SLCO3A1: variants seen among roughly 807,000 people sequenced by gnomAD.
The protein encoded by SLCO3A1 is PGE1 transporter.
Under a neutral mutation model 63.1 loss-of-function variants are expected in SLCO3A1, and 27 were observed. The ratio of observed to expected loss-of-function variants is 0.43; its 90% CI spans 0.32 to 0.59. The LOEUF (loss-of-function observed/expected upper bound fraction) is 0.59. SLCO3A1 is among the 20% of genes least tolerant of loss of function. The pLI, the probability that SLCO3A1 is intolerant of heterozygous loss-of-function variation, is 0.09. For missense variants in SLCO3A1, 773 were observed against 945.8 expected, an observed-to-expected ratio of 0.82 and a Z score of 2.40; for synonymous variants, 473 against 409.9, an observed-to-expected ratio of 1.15 and a Z score of -1.86.
At position 92,134,146 on chromosome 15, in the gene SLCO3A1, C is replaced by T. The variant is rs59893612; in HGVS notation, c.1512+5657C>T. On this transcript the variant is annotated intron_variant, in intron 7 of 9. Coordinates refer to ENST00000318445, the MANE Select transcript of SLCO3A1 (RefSeq NM_013272.4). ...CTGTCTACTTAGACACAGCCCCCACCACTGGCCATCCCTTACACCTGAGCC... is the reference window on the plus strand; with the variant it reads ...CTGTCTACTTAGACACAGCCCCCACTACTGGCCATCCCTTACACCTGAGCC... 0.022 allele frequency among the ~76,000 whole-genome samples: 3,364 copies of T among 152,332 alleles called. 333 individuals are homozygous for T. In the East Asian group the frequency reaches 0.3, roughly 14 times the overall value.
chr15:91,932,059 C>T (rs895068652), intron 2 of SLCO3A1, among the ~76,000 whole-genome samples: 2 of 152,014 alleles, frequency 1.3e-5, no homozygotes, highest in Admixed American at 6.6e-5. Flanking sequence ...GAGTGCATAT[C>T]GTATGCAAGG....
chr15:91,918,862 CG>C (rs1898747655), intron 2 of SLCO3A1, among the ~76,000 whole-genome samples: 1 of 152,178 alleles, frequency 6.6e-6, no homozygotes, highest in Admixed American at 6.5e-5. Context: ...GTATATCCAT[CG>C]GGGAGGAATA....
intron 2 of SLCO3A1, among the ~76,000 whole-genome samples, chr15:91,956,952 T>G (rs1157596133): frequency 1.8e-5 from 1 of 55,388 alleles, no homozygotes; most frequent in Non-Finnish European, 3.5e-5. Flanking sequence ...CATGCCTGGC[T>G]AATTTATTTA....
At chr15:91,990,097 G>A (rs565008507) in intron 2 of SLCO3A1, among the ~76,000 whole-genome samples, 1 of 152,288 alleles carries the variant, frequency 6.6e-6, no homozygotes, top group South Asian at 2.1e-4. Context: ...ATGATGGCGG[G>A]AGGGCGGAAG....
chr15:91,898,744 C>CT (rs1361382646), intron 1 of SLCO3A1, among the ~76,000 whole-genome samples: 2 of 152,070 alleles, frequency 1.3e-5, no homozygotes, highest in East Asian at 3.9e-4. Flanking sequence ...AAAACTTACT[C>CT]TTTTTATGTA....
At chr15:92,159,599 T>C (rs1273833814) in intron 9 of SLCO3A1, among the ~76,000 whole-genome samples, 2 of 141,534 alleles carry the variant, frequency 1.4e-5, no homozygotes, top group African/African-American at 5.4e-5. Context: ...TAGGATCCCA[T>C]TCTGTCTCCT....
At chr15:92,072,229 A>T (rs1323631711) in intron 2 of SLCO3A1, among the ~76,000 whole-genome samples, 8 of 150,784 alleles carry the variant, frequency 5.3e-5, no homozygotes, top group Non-Finnish European at 8.8e-5. Context: ...TCACTGGCTA[A>T]TGCATTGTGT....
chr15:91,916,422 G>T lies in SLCO3A1; in HGVS notation c.610G>T (p.Asp204Tyr). ...VQPLGVSYID[D>Y]HVRRKDSSLY... ...GCCCCTGGGCGTCTCCTACATCGACGACCACGTGCGGAGGAAGGACTCCTC... is the reference window on the plus strand; with the variant it reads ...GCCCCTGGGCGTCTCCTACATCGACTACCACGTGCGGAGGAAGGACTCCTC... The change falls in exon 2 of 10, where the codon GAC (aspartate) becomes TAC (tyrosine). Residue 204 changes from aspartate (D) to tyrosine (Y), a missense_variant. Around this residue, in one of 3 missense-constraint regions of SLCO3A1, gnomAD observed 565 missense variants for 749.8 expected, o/e 0.75. Coordinates refer to ENST00000318445, the MANE Select transcript of SLCO3A1 (RefSeq NM_013272.4). This position sits in a 1 kb window ranked among gnomAD's most constrained non-coding sequence, Gnocchi z 6.2. 6.2e-7 allele frequency: 1 copy of T among 1,612,414 alleles called. No homozygotes were observed. The highest frequency in any genetic ancestry group is 1.1e-5 in the South Asian group (1 of 90,666).
intron 1 of SLCO3A1, among the ~76,000 whole-genome samples, chr15:91,914,699 G>A (rs1360314278): frequency 6.6e-6 from 1 of 151,478 alleles, no homozygotes; most frequent in Non-Finnish European, 1.5e-5. Flanking sequence ...CCTTCCCTGA[G>A]TAGCTGGGAT....
chr15:91,945,045 A>T (rs1316068981), intron 2 of SLCO3A1, among the ~76,000 whole-genome samples: 1 of 152,134 alleles, frequency 6.6e-6, no homozygotes, highest in Non-Finnish European at 1.5e-5. Flanking sequence ...CACCCAACAG[A>T]TATTTATTAA....
At chr15:92,087,511 C>CTTTT (rs1393268848) in intron 2 of SLCO3A1, among the ~76,000 whole-genome samples, 1 of 144,308 alleles carries the variant, frequency 6.9e-6, no homozygotes, top group African/African-American at 2.7e-5. Context: ...CTTTTATTAT[C>CTTTT]TATTATTTTT....
Position 92,161,733 on chromosome 15 carries a change from CCGGCGCTTTG to C in SLCO3A1, c.1754-1021_1754-1012del, listed in dbSNP as rs1408772588. On this transcript the variant is annotated intron_variant, in intron 9 of 9. Transcript: ENST00000318445. ...ACAGAAGAACACCACACACAGTATG[CCGGCGCTTTG>C]CAGTTTCCTCTGTAGAACACCACAC... 12 of 151,036 alleles carry C rather than the reference CCGGCGCTTTG, an allele frequency of 7.9e-5. No individual in the cohort carries two copies. The East Asian group carries it at 2.3e-3, about 29-fold the overall frequency. The allele number at this position is 151,036 out of a possible 1,614,324, so 9.4% of individuals were successfully genotyped here.
In SLCO3A1 at chr15:91,883,264, C is replaced by T. The variant is rs891337172; in HGVS notation, c.180+29176C>T. Among the ~76,000 whole-genome samples the T allele has an allele frequency of 6.6e-6, 1 of 152,166 alleles. No homozygotes were observed. Among genetic ancestry groups the T allele is most frequent in the Non-Finnish European group, 1.5e-5 (1 of 68,040 alleles). Reference sequence around the variant, plus strand: ...CAGGAGTCTTCCTGTGTGAAGTCAGCTTGTTTGGAGAGTGAAGAGAGAAAC... The same window carrying T: ...CAGGAGTCTTCCTGTGTGAAGTCAGTTTGTTTGGAGAGTGAAGAGAGAAAC... On this transcript the variant is annotated intron_variant, in intron 1 of 9. Coordinates refer to ENST00000318445, the MANE Select transcript of SLCO3A1 (RefSeq NM_013272.4). This position sits in a 1 kb window ranked among gnomAD's most constrained non-coding sequence, Gnocchi z 4.8.
At chr15:91,972,277 A>G (rs1900906063) in intron 2 of SLCO3A1, among the ~76,000 whole-genome samples, 1 of 152,156 alleles carries the variant, frequency 6.6e-6, no homozygotes, top group African/African-American at 2.4e-5. Context: ...GGGTGCTGAC[A>G]TGAACCAAGG....
chr15:91,884,910 A>G (rs751840125), intron 1 of SLCO3A1, among the ~76,000 whole-genome samples: 9 of 152,078 alleles, frequency 5.9e-5, no homozygotes, highest in Non-Finnish European at 1.3e-4. Flanking sequence ...CATCACGGAA[A>G]CTAGTCAGTG....
rs1359187043 is a variant in SLCO3A1 at position 92,162,799 on chromosome 15, C to T, written c.1797C>T (p.Ser599=). 6.2e-7 allele frequency: 1 copy of T among 1,614,038 alleles called. No homozygotes were observed. The highest frequency in any genetic ancestry group is 8.5e-7 in the Non-Finnish European group (1 of 1,180,010). Residue 599 remains serine, a synonymous_variant, in exon 10 of 10, where the codon TCC becomes TCT. Coordinates refer to ENST00000318445, the MANE Select transcript of SLCO3A1 (RefSeq NM_013272.4). ...TCATCTTCGGGGCTGGCATCGACTC[C>T]ACCTGCCTGTTCTGGAGCACGTTCT... The part of the protein sequence containing the change: ...PPLIFGAGID[S]TCLFWSTFCG...
At position 92,066,259 on chromosome 15, in the gene SLCO3A1, A is replaced by G. The variant is rs531902567; in HGVS notation, c.647-28622A>G. Among the ~76,000 whole-genome samples, 60 of 152,394 alleles carry G rather than the reference A, an allele frequency of 3.9e-4. No homozygotes were observed. In the South Asian group the frequency reaches 0.012, roughly 30 times the overall value. On this transcript the variant is annotated intron_variant, in intron 2 of 9. Coordinates refer to ENST00000318445, the MANE Select transcript of SLCO3A1 (RefSeq NM_013272.4). ...GGCCAAGCACTCATAGGATGCCCTC[A>G]GGCTCTTCAGGGGAAGAGTGACCCA... is the stretch of plus-strand genomic sequence containing the variant.
rs1433236569 is a variant in SLCO3A1 at position 92,164,991 on chromosome 15, T to G, written c.*1856T>G. 1.0e-6 allele frequency: 1 copy of G among 985,286 alleles called. No homozygotes were observed. The highest frequency in any genetic ancestry group is 1.2e-6 in the Non-Finnish European group (1 of 829,932). The allele number at this position is 985,286 out of a possible 1,614,324, so 61.0% of individuals were successfully genotyped here. Reference sequence around the variant, plus strand: ...GGTTGATTGGTTTGCTTTTTCACCTTGGACACATTTGCATTTTACCCACAA... The same window carrying G: ...GGTTGATTGGTTTGCTTTTTCACCTGGGACACATTTGCATTTTACCCACAA... On this transcript the variant is annotated 3_prime_UTR_variant, in exon 10 of 10. Coordinates refer to ENST00000318445, the MANE Select transcript of SLCO3A1 (RefSeq NM_013272.4).
intron 7 of SLCO3A1, among the ~76,000 whole-genome samples, chr15:92,146,213 C>G (rs963228384): frequency 6.6e-6 from 1 of 152,214 alleles, no homozygotes. Flanking sequence ...CTGCTCCTCC[C>G]TTTGCCATCA....
Sources: gnomAD v4.1 joint callset for allele counts (sites outside exome capture counted in the v4.1 genomes callset) on GRCh38, gnomAD v4.1.1 for gene constraint, gnomAD v4.1.1 regional missense constraint, Gnocchi (gnomAD v3.1) non-coding constraint, MANE v1.5 for transcripts, NCBI Gene and HGNC (gene_info 2026-07-23, HGNC 2026-07-21) for gene names.